The following TRRAP variants were observed in gnomAD, a reference collection of about 807,000 sequenced individuals.
TRRAP encodes transformation/transcription domain-associated protein.
A neutral mutation model predicts 438.8 loss-of-function variants in TRRAP; 41 were observed. The ratio of observed to expected loss-of-function variants is 0.09; its 90% CI spans 0.07 to 0.12. TRRAP has a LOEUF of 0.12. TRRAP is among the 10% of genes least tolerant of loss of function. The probability of loss-of-function intolerance (pLI) is 1.00; values close to 1 mark genes in which losing one functional copy is unlikely to be tolerated. For missense variants in TRRAP, 3,122 were observed against 5,055.1 expected (o/e 0.62, Z 11.60); for synonymous variants, 1,994 against 1,962.9 (o/e 1.02, Z -0.42).
chr7:98,945,488 C>T (rs1190464142), intron 31 of TRRAP, among the ~76,000 whole-genome samples: 2 of 152,184 alleles, frequency 1.3e-5, no homozygotes, highest in Non-Finnish European at 2.9e-5. Flanking sequence ...CACAAGAATC[C>T]TGAAACCCTA....
At chr7:98,998,560 G>C in intron 67 of TRRAP, 1 of 188,192 alleles carries the variant, frequency 5.3e-6, no homozygotes. Context: ...CTTCCCCAAT[G>C]TCTCCATTCA....
chr7:98,894,722 C>T (rs1796121912), intron 6 of TRRAP, among the ~76,000 whole-genome samples: 1 of 151,000 alleles, frequency 6.6e-6, no homozygotes, highest in Non-Finnish European at 1.5e-5. Context: ...AAGCGATTCT[C>T]CTGTCTCAGC....
intron 11 of TRRAP, among the ~76,000 whole-genome samples, chr7:98,901,459 A>G (rs1437029590): frequency 1.3e-5 from 2 of 152,220 alleles, no homozygotes; most frequent in Non-Finnish European, 2.9e-5. Flanking sequence ...GTAGAATCCC[A>G]TTGTGTGGAT....
At chr7:98,983,119 T>A (rs1793004771) in intron 59 of TRRAP, 145 bp from the exon 60 acceptor site, 2 of 713,124 alleles carry the variant, frequency 2.8e-6, no homozygotes, top group Non-Finnish European at 4.6e-6. Flanking sequence ...ATCTCAGGTG[T>A]CTGTGGTGTA....
In TRRAP at chr7:99,003,941, C is replaced by T. The variant is rs146383940; in HGVS notation, c.10310-249C>T. ...AAAAGAAATTGGCCAAGCCTGGTGGCGGGTGCCTGTAATCCCAGCTACTCG... is the reference window on the plus strand; with the variant it reads ...AAAAGAAATTGGCCAAGCCTGGTGGTGGGTGCCTGTAATCCCAGCTACTCG... On this transcript the variant is annotated intron_variant, in intron 67 of 72. Transcript: ENST00000456197. Among the ~76,000 whole-genome samples, 1,006 of 152,068 alleles carry T rather than the reference C, an allele frequency of 6.6e-3. 16 individuals carry two copies. Among genetic ancestry groups the T allele is most frequent in the African/African-American group, 0.023 (938 of 41,472 alleles).
Position 98,984,201 on chromosome 7 carries a change from C to T in TRRAP, c.9131C>T (p.Ala3044Val). Residue 3044 changes from alanine (A) to valine (V), a missense_variant, in exon 61 of 73, where the codon GCC becomes GTC. By Grantham distance (64) the Ala-to-Val change is moderately conservative. Transcript: ENST00000456197. ...GCGATCATCCAGTATGGAAAAATCG[C>T]CCGGAAACAAGGACTGGTCAATGTA... ...ASAIIQYGKI[A>V]RKQGLVNVAL... The T allele has an allele frequency of 6.2e-7, 1 of 1,614,060 alleles. No homozygotes were observed. The highest frequency in any genetic ancestry group is 8.5e-7 in the Non-Finnish European group (1 of 1,179,996).
At chr7:98,971,529 A>G (rs1446250150) in intron 52 of TRRAP, among the ~76,000 whole-genome samples, 1 of 152,228 alleles carries the variant, frequency 6.6e-6, no homozygotes, top group African/African-American at 2.4e-5. Context: ...TTTAAAGTTT[A>G]TTCTTTTAAA....
intron 30 of TRRAP, among the ~76,000 whole-genome samples, chr7:98,939,609 C>G (rs73155637): frequency 0.039 from 5,930 of 152,280 alleles, 123 homozygotes; most frequent in South Asian, 0.055. Flanking sequence ...AATACACATA[C>G]ACACCTATCA....
At chr7:98,953,843 A>T (rs1472080874) in intron 40 of TRRAP, among the ~76,000 whole-genome samples, 1 of 152,090 alleles carries the variant, frequency 6.6e-6, no homozygotes. Context: ...TTTGTGGGGA[A>T]AACACCCCAC....
chr7:98,953,705 A>C (rs1300183223), intron 40 of TRRAP, among the ~76,000 whole-genome samples: 1 of 152,192 alleles, frequency 6.6e-6, no homozygotes, highest in African/African-American at 2.4e-5. Flanking sequence ...AGATGCAAAC[A>C]TTCCGGAGAT....
chr7:98,921,669 C>G, intron 20 of TRRAP, 84 bp from the exon 21 acceptor site: 1 of 1,573,306 alleles, frequency 6.4e-7, no homozygotes, highest in South Asian at 1.1e-5. Flanking sequence ...AGCCACTACG[C>G]CTGGCCTCCC....
intron 31 of TRRAP, among the ~76,000 whole-genome samples, 166 bp from the exon 32 acceptor site, chr7:98,945,580 AG>A (rs1393055885): frequency 6.6e-6 from 1 of 152,144 alleles, no homozygotes; most frequent in Non-Finnish European, 1.5e-5. Context: ...CGAAGGTGAA[AG>A]TGTGCTTTTT....
At position 98,988,926 on chromosome 7, in the gene TRRAP, G is replaced by A. The variant is rs775078845; in HGVS notation, c.9551G>A (p.Arg3184Gln). 4 of 1,614,034 alleles carry A rather than the reference G, an allele frequency of 2.5e-6. No homozygotes were observed. The highest frequency in any genetic ancestry group is 3.4e-6 in the Non-Finnish European group (4 of 1,179,998). Residue 3184 changes from arginine (R) to glutamine (Q), a missense_variant, in exon 63 of 73, where the codon CGG (arginine) becomes CAG (glutamine). Coordinates refer to ENST00000456197, the MANE Select transcript of TRRAP (RefSeq NM_001375524.1). The part of the protein sequence containing the change: ...SAITCYLHAC[R>Q]HQNESKSRKY... Reference sequence around the variant, plus strand: ...ATCACCTGCTACCTGCACGCCTGCCGGCATCAGAACGAGAGCAAATCGAGG... The same window carrying A: ...ATCACCTGCTACCTGCACGCCTGCCAGCATCAGAACGAGAGCAAATCGAGG...
chr7:98,986,075 A>T (rs184295200), intron 62 of TRRAP, among the ~76,000 whole-genome samples: 199 of 152,360 alleles, frequency 1.3e-3, no homozygotes, highest in African/African-American at 4.2e-3. Context: ...TCTTTCACTT[A>T]GCAGGATGTT....
At chr7:99,004,930 C>T (rs1245326036) in intron 68 of TRRAP, among the ~76,000 whole-genome samples, 1 of 152,174 alleles carries the variant, frequency 6.6e-6, no homozygotes, top group East Asian at 1.9e-4. Context: ...CCTTGACTTC[C>T]GTCCGTGGCT....
intron 65 of TRRAP, among the ~76,000 whole-genome samples, chr7:98,992,495 A>G (rs189656906): frequency 1.3e-3 from 196 of 152,274 alleles, no homozygotes; most frequent in African/African-American, 4.4e-3. Flanking sequence ...AGCTTCAGAA[A>G]ACTGTAAAGT....
At chr7:98,991,617 G>A (rs922148811) in intron 64 of TRRAP, among the ~76,000 whole-genome samples, 4 of 152,162 alleles carry the variant, frequency 2.6e-5, no homozygotes, top group African/African-American at 9.7e-5. Context: ...AAGTGACATG[G>A]TACTGTCCTG....
rs775313267 is a variant in TRRAP, at chr7:98,959,498, C to T, written c.6489+8C>T. 8 of 1,611,618 alleles carry T rather than the reference C, an allele frequency of 5.0e-6. No homozygotes were observed. Among genetic ancestry groups the T allele is most frequent in the East Asian group, 2.2e-5 (1 of 44,818 alleles). Reference sequence around the variant, plus strand: ...AAGCTGCTGATGACTGTGGTGAGTGCGAGTGTCTGAAGGGCCAGGGCAGCG... The same window carrying T: ...AAGCTGCTGATGACTGTGGTGAGTGTGAGTGTCTGAAGGGCCAGGGCAGCG... On this transcript the variant is annotated splice_region_variant and intron_variant, in intron 45 of 72. Coordinates refer to ENST00000456197, the MANE Select transcript of TRRAP (RefSeq NM_001375524.1).
chr7:98,980,185 C>T (rs1584387884), intron 58 of TRRAP, among the ~76,000 whole-genome samples: 1 of 152,202 alleles, frequency 6.6e-6, no homozygotes. Context: ...ATGTCAAAAA[C>T]AAGCCACAGT....
Sources: gnomAD v4.1 joint callset for allele counts (sites outside exome capture counted in the v4.1 genomes callset) on GRCh38, gnomAD v4.1.1 for gene constraint, MANE v1.5 for transcripts, NCBI Gene and HGNC (gene_info 2026-07-23, HGNC 2026-07-21) for gene names.